EEA1: variants seen among roughly 807,000 people sequenced by gnomAD.
EEA1 encodes early endosome antigen 1, 162kD.
In EEA1, 111 loss-of-function variants were observed where a neutral mutation model predicts 209.2. The observed-to-expected ratio is 0.53, with a 90% CI of 0.45 to 0.62. EEA1 has a LOEUF of 0.62. Among genes scored for constraint, EEA1 ranks in the 20% least tolerant of loss-of-function variants. EEA1 has a pLI of 0.00. For missense variants in EEA1, 1,343 were observed against 1,530.8 expected, an observed-to-expected ratio of 0.88 and a Z score of 2.05; for synonymous variants, 536 against 540.6, an observed-to-expected ratio of 0.99 and a Z score of 0.12.
chr12:92,903,489 T>G (rs1177958871), intron 1 of EEA1, among the ~76,000 whole-genome samples: 4 of 151,370 alleles, frequency 2.6e-5, no homozygotes, highest in Admixed American at 1.3e-4. Flanking sequence ...TCCCAGCTAC[T>G]CGAGAGGCTG....
Position 92,867,865 on chromosome 12 carries a change from TGAGAGA to T in EEA1, c.118-2884_118-2879del, listed in dbSNP as rs3064992. Among the ~76,000 whole-genome samples, 453 of 151,766 alleles carry T rather than the reference TGAGAGA, an allele frequency of 3.0e-3. 2 individuals are homozygous for T. Among genetic ancestry groups the T allele is most frequent in the Non-Finnish European group, 4.0e-3 (270 of 67,892 alleles). On this transcript the variant is annotated intron_variant, in intron 2 of 28. Transcript: ENST00000322349. The stretch of plus-strand genomic sequence containing the variant: ...TGCAGCTGCATAGTGTATGTGTGTG[TGAGAGA>T]GAGAGAGAGACACAGTCACTGGAAT...
At position 92,784,979 on chromosome 12, in the gene EEA1, A is replaced by G. The variant is rs191827612; in HGVS notation, c.3151-2844T>C. On this transcript the variant is annotated intron_variant, in intron 22 of 28. Coordinates refer to ENST00000322349, the MANE Select transcript of EEA1 (RefSeq NM_003566.4). Reference sequence around the variant, plus strand: ...AAACAAATGATTTCTGCAGTGTTCCATGGTAGCTGTTGTTTTTGTCTATTC... The same window carrying G: ...AAACAAATGATTTCTGCAGTGTTCCGTGGTAGCTGTTGTTTTTGTCTATTC... Among the ~76,000 whole-genome samples, 29 of 149,922 alleles carry G rather than the reference A, an allele frequency of 1.9e-4. No homozygotes were observed. In the East Asian group the frequency reaches 5.5e-3, roughly 28 times the overall value.
chr12:92,870,662 CTT>C (rs1169072620), intron 2 of EEA1, among the ~76,000 whole-genome samples: 11 of 144,216 alleles, frequency 7.6e-5, no homozygotes, highest in Non-Finnish European at 3.1e-5. Context: ...AGTCTTTTTC[CTT>C]TTTTTTTTTT....
chr12:92,887,316 G>A (rs2036970520), intron 2 of EEA1, among the ~76,000 whole-genome samples: 1 of 147,956 alleles, frequency 6.8e-6, no homozygotes, highest in African/African-American at 2.5e-5. Flanking sequence ...CACAGATGGA[G>A]ACCCCATCTC....
intron 2 of EEA1, among the ~76,000 whole-genome samples, chr12:92,889,311 A>G (rs570709236): frequency 1.4e-4 from 21 of 152,234 alleles, no homozygotes; most frequent in African/African-American, 5.1e-4. Context: ...CTAGAGAGGT[A>G]AGAAAAAAAC....
intron 6 of EEA1, among the ~76,000 whole-genome samples, chr12:92,853,251 T>C (rs954824939): frequency 6.6e-6 from 1 of 152,236 alleles, no homozygotes; most frequent in Non-Finnish European, 1.5e-5. Context: ...GAATCACTGC[T>C]AAATAATCTA....
chr12:92,811,494 A>AT, intron 16 of EEA1, 60 bp from the exon 17 acceptor site: 1 of 1,136,632 alleles, frequency 8.8e-7, no homozygotes, highest in African/African-American at 1.6e-5. Context: ...TAGTGGCCAA[A>AT]TGTTCAACGT....
intron 1 of EEA1, among the ~76,000 whole-genome samples, chr12:92,898,915 G>A (rs1379707997): frequency 1.4e-5 from 2 of 146,606 alleles, no homozygotes; most frequent in African/African-American, 2.5e-5. Flanking sequence ...GAACATCAGA[G>A]GCACACTTCA....
At chr12:92,924,399 G>A (rs1190123418) in intron 1 of EEA1, among the ~76,000 whole-genome samples, 1 of 151,818 alleles carries the variant, frequency 6.6e-6, no homozygotes, top group Non-Finnish European at 1.5e-5. Flanking sequence ...AGTAGAGACG[G>A]GGTTTCACTA....
intron 1 of EEA1, among the ~76,000 whole-genome samples, chr12:92,896,898 G>T (rs1879907775): frequency 6.6e-6 from 1 of 152,162 alleles, no homozygotes; most frequent in Non-Finnish European, 1.5e-5. Flanking sequence ...TGACTAGCTG[G>T]GCAAGATGGC....
At chr12:92,828,844 G>A (rs1876459440) in intron 11 of EEA1, among the ~76,000 whole-genome samples, 1 of 151,902 alleles carries the variant, frequency 6.6e-6, no homozygotes, top group Non-Finnish European at 1.5e-5. Context: ...ACTGCCACCT[G>A]TCAAAACCTA....
chr12:92,897,471 T>A (rs542231034), intron 1 of EEA1, among the ~76,000 whole-genome samples: 1 of 152,326 alleles, frequency 6.6e-6, no homozygotes, highest in South Asian at 2.1e-4. Context: ...GTGAAGTGGC[T>A]AATCAGAAAC....
chr12:92,899,900 T>C (rs1232173273), intron 1 of EEA1, among the ~76,000 whole-genome samples: 1 of 152,184 alleles, frequency 6.6e-6, no homozygotes, highest in Non-Finnish European at 1.5e-5. Context: ...GGGTGTCTCC[T>C]CCAATGGCTC....
rs1212547078 is a variant in EEA1 at position 92,827,913 on chromosome 12, TG to T, written c.1402del (p.Gln468SerfsTer2). On this transcript the variant is annotated frameshift_variant and splice_region_variant, in exon 12 of 29. Transcript: ENST00000322349. LOFTEE classifies it high-confidence loss of function. Reference sequence around the variant, plus strand: ...AATAAATTGAAAATGCTAGCTTACCTGCTCTTCTAACCGAGAAAGTTTGAGT... The same window carrying T: ...AATAAATTGAAAATGCTAGCTTACCTCTCTTCTAACCGAGAAAGTTTGAGT... ...LQLKLSRLEE[Q>X]LKEKVTNSTE... 1 of 1,560,002 alleles carries T rather than the reference TG, an allele frequency of 6.4e-7. No individual in the cohort carries two copies.
At chr12:92,776,225 G>T in intron 28 of EEA1, 92 bp from the exon 29 acceptor site, 2 of 1,215,820 alleles carry the variant, frequency 1.6e-6, no homozygotes, top group Non-Finnish European at 1.1e-6. Context: ...ACATTATGAA[G>T]GTACATTAGC....
intron 2 of EEA1, chr12:92,879,413 G>C (rs1245672968): frequency 2.3e-6 from 1 of 427,102 alleles, no homozygotes; most frequent in Non-Finnish European, 4.6e-6. Context: ...GCTTATCCTA[G>C]AAACAAGAGT....
chr12:92,851,049 C>G (rs1187339401), intron 9 of EEA1, 62 bp downstream of exon 9: 4 of 1,464,462 alleles, frequency 2.7e-6, no homozygotes, highest in Non-Finnish European at 3.6e-6. Context: ...CCTGGCTTCA[C>G]TCAATAGTAT....
intron 5 of EEA1, among the ~76,000 whole-genome samples, chr12:92,855,962 A>C (rs1161879343): frequency 6.6e-6 from 1 of 152,148 alleles, no homozygotes; most frequent in Non-Finnish European, 1.5e-5. Context: ...ATTACTAAAA[A>C]CTCCTTTAAT....
chr12:92,882,928 T>C (rs961839091), intron 2 of EEA1, among the ~76,000 whole-genome samples: 2 of 152,232 alleles, frequency 1.3e-5, no homozygotes, highest in Non-Finnish European at 2.9e-5. Flanking sequence ...TTTGTTCAGA[T>C]ATATACTCAG....
Sources: allele counts gnomAD v4.1 joint callset (sites outside exome capture counted in the v4.1 genomes callset), GRCh38; gene constraint gnomAD v4.1.1; transcripts MANE v1.5; gene names NCBI Gene and HGNC (gene_info 2026-07-23, HGNC 2026-07-21).